The following TAOK1 variants were observed in gnomAD, a reference collection of about 807,000 sequenced individuals.
TAOK1 encodes serine/threonine-protein kinase TAO1.
Under a neutral mutation model 138.3 loss-of-function variants are expected in TAOK1, and 21 were observed. The observed-to-expected ratio is 0.15, with a 90% confidence interval of 0.11 to 0.22. The LOEUF (loss-of-function observed/expected upper bound fraction) is 0.22. TAOK1 is among the 10% of genes least tolerant of loss of function. TAOK1 has a pLI of 1.00. For synonymous variants in TAOK1, 361 were observed against 398.4 expected (o/e 0.91, Z 1.12); for missense variants, 651 against 1,227.7 (o/e 0.53, Z 7.02).
intron 1 of TAOK1, among the ~76,000 whole-genome samples, chr17:29,419,529 G>C (rs1337059878): frequency 2.3e-5 from 3 of 133,094 alleles, no homozygotes; most frequent in Admixed American, 8.4e-5. Flanking sequence ...CTCTCTCTCT[G>C]TTGTCTAGGC....
Position 29,475,684 on chromosome 17 carries a change from T to C in TAOK1, c.219T>C (p.Ile73=), listed in dbSNP as rs1250202868. ...GKQSTEKWQD[I]IKEVKFLQRI... ...TCTCCCCACAGAAATGGCAGGATAT[T>C]ATTAAGGAAGTCAAGTTTCTACAAA... The change falls in exon 4 of 20, where the codon ATT becomes ATC. Residue 73 remains isoleucine (I), a synonymous_variant. Transcript: ENST00000261716. 6.2e-7 allele frequency: 1 copy of C among 1,610,530 alleles called. No individual in the cohort carries two copies. Among genetic ancestry groups the C allele is most frequent in the East Asian group, 2.2e-5 (1 of 44,736 alleles).
intron 9 of TAOK1, among the ~76,000 whole-genome samples, chr17:29,491,344 C>G (rs1313221810): frequency 6.6e-6 from 1 of 152,090 alleles, no homozygotes; most frequent in Non-Finnish European, 1.5e-5. Flanking sequence ...TAAAAACACT[C>G]TCTCCAGAGC....
In TAOK1 at chr17:29,549,469, C is replaced by T. The variant is rs560296190; in HGVS notation, c.*6447C>T. 4.6e-5 allele frequency: 7 copies of T among 152,312 alleles called. No individual in the cohort carries two copies. Among genetic ancestry groups the T allele is most frequent in the African/African-American group, 1.7e-4 (7 of 41,568 alleles). The allele number at this position is 152,312 out of a possible 1,614,324, so 9.4% of individuals were successfully genotyped here. On this transcript the variant is annotated 3_prime_UTR_variant, in exon 20 of 20. Coordinates refer to ENST00000261716, the MANE Select transcript of TAOK1 (RefSeq NM_020791.4). ...TAGTATCCAAGGTATATTAGGGCCA[C>T]TTGAAAGCATGAAGACCAGTTATAT...
chr17:29,537,506 ATTTTT>A (rs35498725), intron 19 of TAOK1, among the ~76,000 whole-genome samples: 1 of 123,336 alleles, frequency 8.1e-6, no homozygotes, highest in Non-Finnish European at 1.7e-5. Flanking sequence ...ATGACCACTG[ATTTTT>A]TTTTTTTTTT....
intron 1 of TAOK1, among the ~76,000 whole-genome samples, chr17:29,422,851 C>T (rs996853664): frequency 2.0e-5 from 3 of 152,100 alleles, no homozygotes; most frequent in Non-Finnish European, 4.4e-5. Context: ...TAGTGAAACC[C>T]CCGTCTCTAC....
chr17:29,426,891 T>C (rs1257263544), intron 1 of TAOK1, among the ~76,000 whole-genome samples: 2 of 152,212 alleles, frequency 1.3e-5, no homozygotes, highest in Non-Finnish European at 2.9e-5. Flanking sequence ...TATTTTATAG[T>C]AGAGCAAAAT....
intron 15 of TAOK1, among the ~76,000 whole-genome samples, chr17:29,515,340 A>C (rs1315678885): frequency 6.6e-6 from 1 of 151,932 alleles, no homozygotes; most frequent in African/African-American, 2.4e-5. Flanking sequence ...GTCCTAGTTC[A>C]CTCGTGATTT....
chr17:29,517,456 C>G lies in TAOK1; in HGVS notation c.1708C>G (p.Leu570Val), dbSNP rs773545088. The G allele has an allele frequency of 2.4e-5, 39 of 1,613,088 alleles. No individual in the cohort carries two copies. The highest frequency in any genetic ancestry group is 2.9e-5 in the Non-Finnish European group (34 of 1,179,900). Residue 570 changes from leucine (L) to valine (V), a missense_variant, in exon 16 of 20, where the codon CTA (leucine) becomes GTA (valine). Transcript: ENST00000261716. ...GAGTTGTTTTTTATGTTGCCAGGAG[C>G]TAAATGAAAACCAGAGTACCCCCAA... ...KLRKEQLKEE[L>V]NENQSTPKKE...
chr17:29,422,558 A>G (rs1905487377), intron 1 of TAOK1, among the ~76,000 whole-genome samples: 1 of 152,186 alleles, frequency 6.6e-6, no homozygotes, highest in African/African-American at 2.4e-5. Flanking sequence ...ATGTTTTTTC[A>G]GAGACTCTCC....
intron 1 of TAOK1, among the ~76,000 whole-genome samples, chr17:29,415,402 C>T (rs757963005): frequency 2.0e-5 from 3 of 152,160 alleles, no homozygotes; most frequent in Non-Finnish European, 4.4e-5. Flanking sequence ...ATGTGTTTAA[C>T]TTTTTAAGGA....
intron 19 of TAOK1, among the ~76,000 whole-genome samples, chr17:29,535,876 A>T (rs879425123): frequency 8.6e-5 from 13 of 151,874 alleles, no homozygotes; most frequent in Admixed American, 1.3e-4. Flanking sequence ...AAAAATCTTT[A>T]AAAAAATCAC....
chr17:29,485,438 A>C (rs368477331), intron 8 of TAOK1, among the ~76,000 whole-genome samples: 76 of 150,708 alleles, frequency 5.0e-4, no homozygotes, highest in Middle Eastern at 3.4e-3. Context: ...GAAGTTTGAG[A>C]CCAGCCTGGG....
Position 29,421,122 on chromosome 17 carries a change from T to C in TAOK1, c.-95+30098T>C, listed in dbSNP as rs535635190. Reference sequence around the variant, plus strand: ...TTAGTGTATTTTTTGTAGAGACAGGTTTTCCCCATGTTGGCCCAGATGGTC... The same window carrying C: ...TTAGTGTATTTTTTGTAGAGACAGGCTTTCCCCATGTTGGCCCAGATGGTC... On this transcript the variant is annotated intron_variant, in intron 1 of 19. Coordinates refer to ENST00000261716, the MANE Select transcript of TAOK1 (RefSeq NM_020791.4). Among the ~76,000 whole-genome samples, 11 of 151,314 alleles carry C rather than the reference T, an allele frequency of 7.3e-5. No individual in the cohort carries two copies. The East Asian group carries it at 2.2e-3, about 30-fold the overall frequency.
intron 8 of TAOK1, 83 bp from the exon 9 acceptor site, chr17:29,489,581 T>A (rs1384515551): frequency 2.0e-4 from 136 of 683,160 alleles, no homozygotes; most frequent in Middle Eastern, 3.9e-4. Flanking sequence ...TAAAATCATT[T>A]AAAAAAAAAA....
chr17:29,522,177 C>T, intron 16 of TAOK1, 103 bp from the exon 17 acceptor site: 1 of 1,415,576 alleles, frequency 7.1e-7, no homozygotes, highest in Non-Finnish European at 9.5e-7. Context: ...AATTGAATAA[C>T]AGGGTTAATT....
intron 1 of TAOK1, among the ~76,000 whole-genome samples, chr17:29,446,605 T>C (rs1439857990): frequency 6.6e-6 from 1 of 152,192 alleles, no homozygotes; most frequent in African/African-American, 2.4e-5. Context: ...CATTATTGAC[T>C]CATGAGTTAC....
intron 1 of TAOK1, among the ~76,000 whole-genome samples, chr17:29,397,664 G>GATACATTT (rs1904674100): frequency 2.8e-5 from 1 of 35,604 alleles, no homozygotes; most frequent in African/African-American, 1.1e-4. Flanking sequence ...ATTCATGTAT[G>GATACATTT]ATACATGTAT....
chr17:29,455,304 T>C (rs1450437698), intron 2 of TAOK1, among the ~76,000 whole-genome samples: 15 of 150,686 alleles, frequency 1.0e-4, no homozygotes, highest in Non-Finnish European at 2.2e-4. Flanking sequence ...TATAGAAACA[T>C]AGCTGTTTTT....
rs190631556 is a variant in TAOK1 at position 29,456,075 on chromosome 17, C to T, written c.132+4395C>T. On this transcript the variant is annotated intron_variant, in intron 2 of 19. Transcript: ENST00000261716. ...TTTAAATGTTTGGTAGGGCCGGGCG[C>T]GGTGGCTCATGCCTGTAATCCCAGC... Among the ~76,000 whole-genome samples the T allele has an allele frequency of 6.2e-4, 93 of 150,362 alleles. 1 individual carries two copies. In the Middle Eastern group the frequency reaches 0.01, roughly 16 times the overall value.
Sources: allele counts gnomAD v4.1 joint callset (sites outside exome capture counted in the v4.1 genomes callset), GRCh38; gene constraint gnomAD v4.1.1; transcripts MANE v1.5; gene names NCBI Gene and HGNC (gene_info 2026-07-23, HGNC 2026-07-21).